The following TMEM63B variants were observed in gnomAD, a reference collection of about 807,000 sequenced individuals.
TMEM63B encodes mechanosensitive cation channel TMEM63B.
In TMEM63B, 23 loss-of-function variants were observed where a neutral mutation model predicts 102.6. The ratio of observed to expected loss-of-function variants is 0.22; its 90% CI spans 0.16 to 0.32. The LOEUF (loss-of-function observed/expected upper bound fraction) is 0.32, where lower values mean the gene tolerates loss of function less well. TMEM63B is among the 10% of genes least tolerant of loss of function. The pLI is 1.00. For missense variants in TMEM63B, 628 were observed against 1,095.9 expected (o/e 0.57, Z 6.03); for synonymous variants, 444 against 437.0 (o/e 1.02, Z -0.20).
At position 44,147,324 on chromosome 6, in the gene TMEM63B, G is replaced by A. The variant is rs564165226; in HGVS notation, c.864-53G>A. 1.4e-4 allele frequency: 218 copies of A among 1,613,690 alleles called. 2 individuals carry two copies. The East Asian group carries it at 3.9e-3, about 29-fold the overall frequency. The stretch of plus-strand genomic sequence containing the variant: ...GGGGAGTGAGCTAGATGACCCCCAA[G>A]CTGAGCCAGCCCCAGCCCCAGATGT... On this transcript the variant is annotated intron_variant, in intron 11 of 23. Coordinates refer to ENST00000323267, the MANE Select transcript of TMEM63B (RefSeq NM_018426.3).
intron 1 of TMEM63B, among the ~76,000 whole-genome samples, chr6:44,128,953 A>G (rs1777763351): frequency 1.3e-5 from 2 of 152,220 alleles, no homozygotes; most frequent in South Asian, 2.1e-4. Flanking sequence ...GTGGGTAACT[A>G]AGAACCCCCT....
Position 44,138,736 on chromosome 6 carries a change from G to GC in TMEM63B, c.407+226dup, listed in dbSNP as rs77370584. 8.7e-4 allele frequency: 250 copies of GC among 288,718 alleles called. 31 individuals carry two copies. Among genetic ancestry groups the GC allele is most frequent in the Non-Finnish European group, 1.2e-3 (181 of 148,610 alleles). 17.9% of individuals were successfully genotyped at this position (288,718 alleles called of 1,614,324 possible). On this transcript the variant is annotated intron_variant, in intron 6 of 23. Coordinates refer to ENST00000323267, the MANE Select transcript of TMEM63B (RefSeq NM_018426.3). ...TAATCTCCTCTGTGACCCCCTGCCG[G>GC]CCCCCCCGCTTCTCTCCCTGCCCTG...
rs141024515 is a variant in TMEM63B at position 44,146,697 on chromosome 6, C to T, written c.783-150C>T. On this transcript the variant is annotated intron_variant, in intron 10 of 23. Coordinates refer to ENST00000323267, the MANE Select transcript of TMEM63B (RefSeq NM_018426.3). ...AACTCCTGACCTCAGGTGATCCTCC[C>T]GCTTCGGCCCCCCAAAGTGCTGGGA... The T allele has an allele frequency of 2.8e-4, 206 of 740,198 alleles. 2 individuals carry two copies. Among genetic ancestry groups the T allele is most frequent in the South Asian group, 1.5e-3 (96 of 65,438 alleles). The allele number at this position is 740,198 out of a possible 1,614,324, so 45.9% of individuals were successfully genotyped here.
chr6:44,139,873 C>T (rs1763876143), intron 8 of TMEM63B, 114 bp downstream of exon 8: 1 of 1,353,546 alleles, frequency 7.4e-7, no homozygotes, highest in Non-Finnish European at 1.1e-6. Context: ...ACAGGGATGG[C>T]TATGGGTCCC....
At position 44,150,057 on chromosome 6, in the gene TMEM63B, C is replaced by A; in HGVS notation, c.1520+92C>A. On this transcript the variant is annotated intron_variant, in intron 16 of 23. Coordinates refer to ENST00000323267, the MANE Select transcript of TMEM63B (RefSeq NM_018426.3). This position sits in a 1 kb window ranked among gnomAD's most constrained non-coding sequence, Gnocchi z 4.7. The stretch of plus-strand genomic sequence containing the variant: ...AGCACTTTGCCCTTCAGGCTCCTGG[C>A]CCTGGGCAGTCCCACAGCTGGTAGG... The A allele has an allele frequency of 7.1e-7, 1 of 1,413,872 alleles. No individual in the cohort carries two copies. Among genetic ancestry groups the A allele is most frequent in the South Asian group, 1.2e-5 (1 of 80,706 alleles). The allele number at this position is 1,413,872 out of a possible 1,614,324, so 87.6% of individuals were successfully genotyped here.
At chr6:44,143,019 G>T (rs138162630) in intron 10 of TMEM63B, among the ~76,000 whole-genome samples, 3 of 152,304 alleles carry the variant, frequency 2.0e-5, no homozygotes, top group African/African-American at 7.2e-5. Flanking sequence ...AAAAAAGAAA[G>T]AAAGTAAAGA....
rs770391172 is a variant in TMEM63B, at chr6:44,136,345, C to T, written c.279-4C>T. 1.4e-5 allele frequency: 22 copies of T among 1,613,770 alleles called. No individual in the cohort carries two copies. In the South Asian group the frequency reaches 2.2e-4, roughly 16 times the overall value. The stretch of plus-strand genomic sequence containing the variant: ...CTCTGATCTCTCATCTCCCTCACCC[C>T]CAGTGTGGCTTCAGCTATGCACGGG... On this transcript the variant is annotated splice_polypyrimidine_tract_variant and splice_region_variant and intron_variant, in intron 4 of 23. Transcript: ENST00000323267.
At chr6:44,154,310 A>G in intron 22 of TMEM63B, 55 bp from the exon 23 acceptor site, 1 of 1,608,406 alleles carries the variant, frequency 6.2e-7, no homozygotes, top group Non-Finnish European at 8.5e-7. Flanking sequence ...GCGTGGGGTC[A>G]TGATCAGGGC....
intron 10 of TMEM63B, among the ~76,000 whole-genome samples, chr6:44,143,978 A>G (rs1463783182): frequency 2.0e-5 from 3 of 152,228 alleles, no homozygotes; most frequent in East Asian, 3.8e-4. Flanking sequence ...AGACCTGATC[A>G]GTGCCCTTGG....
At chr6:44,132,101 G>A (rs1374477646) in intron 1 of TMEM63B, among the ~76,000 whole-genome samples, 4 of 152,176 alleles carry the variant, frequency 2.6e-5, no homozygotes, top group Non-Finnish European at 5.9e-5. Flanking sequence ...GCCAGCCCAG[G>A]CTCCACCCCT....
At chr6:44,141,147 T>C in intron 10 of TMEM63B, 49 bp downstream of exon 10, 1 of 1,561,946 alleles carries the variant, frequency 6.4e-7, no homozygotes, top group Non-Finnish European at 8.8e-7. Context: ...TGCAGAGCCT[T>C]CTCTGCCTTT....
intron 23 of TMEM63B, 80 bp from the exon 24 acceptor site, chr6:44,154,612 G>C: frequency 6.7e-7 from 1 of 1,487,884 alleles, no homozygotes; most frequent in Admixed American, 2.1e-5. Flanking sequence ...TGCCCACTCT[G>C]CTGTCCTACA....
At position 44,148,314 on chromosome 6, in the gene TMEM63B, G is replaced by C. The variant is rs1172138532; in HGVS notation, c.1050G>C (p.Glu350Asp). 6.2e-7 allele frequency: 1 copy of C among 1,614,246 alleles called. No homozygotes were observed. The highest frequency in any genetic ancestry group is 1.1e-5 in the South Asian group (1 of 91,092). ...EQKLKEDYKR[E>D]KEKVNEKPLG... Reference sequence around the variant, plus strand: ...AGCTGAAGGAAGACTACAAGCGGGAGAAGGAGAAGGTGAATGAGAAGCCTC... The same window carrying C: ...AGCTGAAGGAAGACTACAAGCGGGACAAGGAGAAGGTGAATGAGAAGCCTC... Residue 350 changes from glutamate (E) to aspartate (D), a missense_variant, in exon 13 of 24, where the codon GAG becomes GAC. Coordinates refer to ENST00000323267, the MANE Select transcript of TMEM63B (RefSeq NM_018426.3). This position sits in a 1 kb window ranked among gnomAD's most constrained non-coding sequence, Gnocchi z 5.1.
rs576094706 is a variant in TMEM63B at position 44,134,196 on chromosome 6, G to A, written c.-24-365G>A. 2.4e-4 allele frequency among the ~76,000 whole-genome samples: 36 copies of A among 152,262 alleles called. 1 individual carries two copies. Among genetic ancestry groups the A allele is most frequent in the Admixed American group, 1.6e-3 (25 of 15,286 alleles). ...ACCCCTCCCTGTCTTCCCAGGCTCAGCTCCGCCCCCTGCCCTAAGACAGAG... is the reference window on the plus strand; with the variant it reads ...ACCCCTCCCTGTCTTCCCAGGCTCAACTCCGCCCCCTGCCCTAAGACAGAG... On this transcript the variant is annotated intron_variant, in intron 1 of 23. Transcript: ENST00000323267.
chr6:44,153,950 G>C, intron 21 of TMEM63B, 107 bp downstream of exon 21: 1 of 1,559,174 alleles, frequency 6.4e-7, no homozygotes. Context: ...CAAGGGGCCT[G>C]GGAGAGGCTG....
intron 10 of TMEM63B, 66 bp from the exon 11 acceptor site, chr6:44,146,781 A>G (rs2128252043): frequency 6.7e-7 from 1 of 1,495,966 alleles, no homozygotes; most frequent in Non-Finnish European, 9.3e-7. Flanking sequence ...TGATGGGGTC[A>G]TGGATGAAAG....
At chr6:44,130,212 G>A (rs1240742409) in intron 1 of TMEM63B, among the ~76,000 whole-genome samples, 1 of 152,064 alleles carries the variant, frequency 6.6e-6, no homozygotes, top group African/African-American at 2.4e-5. Flanking sequence ...GCATACACTC[G>A]AGCCAGGCAG....
intron 1 of TMEM63B, among the ~76,000 whole-genome samples, chr6:44,131,516 C>T (rs535817351): frequency 6.6e-6 from 1 of 151,964 alleles, no homozygotes; most frequent in Non-Finnish European, 1.5e-5. Flanking sequence ...GTCAAGAGAT[C>T]GAGACCATCC....
chr6:44,145,676 G>A (rs924152831), intron 10 of TMEM63B, among the ~76,000 whole-genome samples: 112 of 151,994 alleles, frequency 7.4e-4, no homozygotes, highest in African/African-American at 2.6e-3. Context: ...TGGCTCACTA[G>A]TGTAATGCCC....
Sources: gnomAD v4.1 joint callset for allele counts (sites outside exome capture counted in the v4.1 genomes callset) on GRCh38, gnomAD v4.1.1 for gene constraint, Gnocchi (gnomAD v3.1) non-coding constraint, MANE v1.5 for transcripts, NCBI Gene and HGNC (gene_info 2026-07-23, HGNC 2026-07-21) for gene names.